The following PRPF6 variants were observed in gnomAD, a reference collection of about 807,000 sequenced individuals.
PRPF6 encodes the protein pre-mRNA-processing factor 6.
A neutral mutation model predicts 118.3 loss-of-function variants in PRPF6; 42 were observed. The observed-to-expected ratio is 0.35, with a 90% CI of 0.28 to 0.46. The LOEUF (loss-of-function observed/expected upper bound fraction) is 0.46, where lower values mean the gene tolerates loss of function less well. PRPF6 is among the 20% of genes least tolerant of loss of function. PRPF6 has a pLI of 1.00. For synonymous variants in PRPF6, 481 were observed against 485.1 expected, an observed-to-expected ratio of 0.99 and a Z score of 0.11; for missense variants, 662 against 1,255.7, an observed-to-expected ratio of 0.53 and a Z score of 7.15.
At chr20:63,995,607 T>A in intron 6 of PRPF6, 125 bp downstream of exon 6, 2 of 1,044,196 alleles carry the variant, frequency 1.9e-6, no homozygotes, top group Non-Finnish European at 2.8e-6. Flanking sequence ...CTCCTTCTTC[T>A]CCTTCTCCTT....
Position 64,014,654 on chromosome 20 carries a change from G to A in PRPF6, c.1525-2069G>A, listed in dbSNP as rs142717840. 2.8e-3 allele frequency among the ~76,000 whole-genome samples: 424 copies of A among 151,956 alleles called. 3 individuals carry two copies. The highest frequency in any genetic ancestry group is 0.01 in the African/African-American group (413 of 41,282). ...AGCCTGGGCAAAAGAGCGAGACTCT[G>A]TCTCAAAAAATAAATAAAATAAAAT... On this transcript the variant is annotated intron_variant, in intron 11 of 20. Coordinates refer to ENST00000266079, the MANE Select transcript of PRPF6 (RefSeq NM_012469.4).
rs1380639778 is a variant in PRPF6 at position 64,028,788 on chromosome 20, C to T, written c.2431+219C>T. 6.6e-6 allele frequency among the ~76,000 whole-genome samples: 1 copy of T among 152,212 alleles called. No individual in the cohort carries two copies. The highest frequency in any genetic ancestry group is 2.4e-5 in the African/African-American group (1 of 41,446). On this transcript the variant is annotated intron_variant, in intron 18 of 20. Transcript: ENST00000266079. The surrounding 1 kb of genome is among the most constrained non-coding windows in gnomAD (Gnocchi z 6.5). ...CAGCTATACTCGGCCGTTAAGACAA[C>T]TTAATGAAATTCTTGGCCTCAAAAT... is the stretch of plus-strand genomic sequence containing the variant.
At chr20:64,031,094 A>C (rs988662016) in intron 19 of PRPF6, among the ~76,000 whole-genome samples, 5 of 152,184 alleles carry the variant, frequency 3.3e-5, no homozygotes, top group African/African-American at 7.2e-5. Context: ...TCAGGTGTGC[A>C]TGTGTCTGGC....
At chr20:64,006,000 G>T (rs1382321383) in intron 9 of PRPF6, among the ~76,000 whole-genome samples, 1 of 152,174 alleles carries the variant, frequency 6.6e-6, no homozygotes, top group East Asian at 1.9e-4. Context: ...CTCCCAAAAT[G>T]CTGGGACTGC....
intron 2 of PRPF6, 55 bp downstream of exon 2, chr20:63,983,270 C>T: frequency 6.2e-7 from 1 of 1,607,822 alleles, no homozygotes; most frequent in Non-Finnish European, 8.5e-7. Context: ...GAGCAGCTGA[C>T]CTAACCAGTG....
chr20:63,992,418 C>G (rs1480358956), intron 3 of PRPF6, among the ~76,000 whole-genome samples: 7 of 152,118 alleles, frequency 4.6e-5, no homozygotes, highest in Non-Finnish European at 8.8e-5. Flanking sequence ...TGCGCCACCA[C>G]GCCTGGCTAA....
chr20:64,007,533 T>C (rs2059196338), intron 9 of PRPF6, among the ~76,000 whole-genome samples: 1 of 150,322 alleles, frequency 6.7e-6, no homozygotes, highest in South Asian at 2.1e-4. Context: ...GTGGTGCAGT[T>C]TTGGCTCACT....
At chr20:64,032,749 G>A (rs2059320867) in intron 20 of PRPF6, 92 bp from the exon 21 acceptor site, 8 of 1,503,642 alleles carry the variant, frequency 5.3e-6, no homozygotes, top group African/African-American at 2.8e-5. Flanking sequence ...GTGCTGCCAG[G>A]GCCAGGTCTG....
At chr20:64,021,307 T>C (rs1317935442) in intron 12 of PRPF6, among the ~76,000 whole-genome samples, 1 of 143,366 alleles carries the variant, frequency 7.0e-6, no homozygotes, top group Non-Finnish European at 1.5e-5. Flanking sequence ...TGTGTGTGTG[T>C]GCATGTATGC....
chr20:64,009,300 AAAAGAG>A (rs1194550861), intron 9 of PRPF6, among the ~76,000 whole-genome samples: 11 of 151,736 alleles, frequency 7.2e-5, no homozygotes, highest in African/African-American at 2.7e-4. Flanking sequence ...AAAAAAAAAA[AAAAGAG>A]AGGTATTTCA....
In PRPF6 at chr20:63,995,089, A is replaced by G; in HGVS notation, c.612A>G (p.Gln204=). The change falls in exon 5 of 21, where the codon CAA becomes CAG. Residue 204 remains glutamine (Q), a synonymous_variant. Transcript: ENST00000266079. ...GENHTSVDPR[Q]TQFGGLNTPY... ...ACCATACCTCAGTGGATCCCCGACA[A>G]ACTGTGAGCTTCCAAAAAAGGGCAC... The G allele has an allele frequency of 6.2e-7, 1 of 1,614,142 alleles. No homozygotes were observed. The highest frequency in any genetic ancestry group is 8.5e-7 in the Non-Finnish European group (1 of 1,180,028).
In PRPF6 at chr20:64,023,012, T is replaced by G. The variant is rs569875380; in HGVS notation, c.1769+134T>G. 12 of 1,387,596 alleles carry G rather than the reference T, an allele frequency of 8.6e-6. No individual in the cohort carries two copies. The East Asian group carries it at 2.9e-4, about 34-fold the overall frequency. The allele number at this position is 1,387,596 out of a possible 1,614,324, so 86.0% of individuals were successfully genotyped here. On this transcript the variant is annotated intron_variant, in intron 13 of 20. Coordinates refer to ENST00000266079, the MANE Select transcript of PRPF6 (RefSeq NM_012469.4). ...TTGAGGTCTGGCCCTCTGGTTGTGA[T>G]GAAGGATTTTATGGCATTTGGGACT...
chr20:63,988,429 C>T (rs1272528993), intron 3 of PRPF6, among the ~76,000 whole-genome samples: 3 of 143,476 alleles, frequency 2.1e-5, no homozygotes, highest in East Asian at 2.1e-4. Flanking sequence ...CCCAGGAGGT[C>T]GAGGTTGCAG....
At position 64,008,530 on chromosome 20, in the gene PRPF6, A is replaced by T. The variant is rs183380277; in HGVS notation, c.1187-1670A>T. Among the ~76,000 whole-genome samples the T allele has an allele frequency of 7.9e-5, 12 of 152,220 alleles. No individual in the cohort carries two copies. In the East Asian group the frequency reaches 2.3e-3, roughly 29 times the overall value. On this transcript the variant is annotated intron_variant, in intron 9 of 20. Coordinates refer to ENST00000266079, the MANE Select transcript of PRPF6 (RefSeq NM_012469.4). ...CCCAGTGTCCTTCATGGAGTTCTCC[A>T]CAGCCTTTCAGCTCCTGCCTTTGGC...
intron 11 of PRPF6, among the ~76,000 whole-genome samples, chr20:64,015,638 G>A (rs574189735): frequency 6.6e-6 from 1 of 152,314 alleles, no homozygotes; most frequent in South Asian, 2.1e-4. Flanking sequence ...ATGCCTTAAA[G>A]TAGAACTGCT....
At chr20:63,998,821 G>A (rs1483449463) in intron 6 of PRPF6, among the ~76,000 whole-genome samples, 4 of 148,680 alleles carry the variant, frequency 2.7e-5, no homozygotes, top group South Asian at 2.1e-4. Context: ...CAGCCTGGGC[G>A]ACAGAGCGAG....
Position 63,995,020 on chromosome 20 carries a change from T to C in PRPF6, c.543T>C (p.Pro181=), listed in dbSNP as rs1423864636. 8 of 1,614,104 alleles carry C rather than the reference T, an allele frequency of 5.0e-6. No homozygotes were observed. Among genetic ancestry groups the C allele is most frequent in the African/African-American group, 1.3e-5 (1 of 74,938 alleles). Residue 181 remains proline, a synonymous_variant, in exon 5 of 21, where the codon CCT becomes CCC. Coordinates refer to ENST00000266079, the MANE Select transcript of PRPF6 (RefSeq NM_012469.4). ...ACCCACGCTATGAGAAGCTGACCCC[T>C]GTTCCTGACAGTTTCTTTGCCAAAC... ...QRNPRYEKLT[P]VPDSFFAKHL...
intron 9 of PRPF6, among the ~76,000 whole-genome samples, chr20:64,004,171 G>A (rs1305066587): frequency 6.6e-6 from 1 of 152,206 alleles, no homozygotes; most frequent in African/African-American, 2.4e-5. Context: ...TTTGGAGATG[G>A]GAGTATGCTG....
Position 64,011,217 on chromosome 20 carries a change from G to T in PRPF6, c.1306-68G>T, listed in dbSNP as rs11905313. 163 of 1,474,296 alleles carry T rather than the reference G, an allele frequency of 1.1e-4. 1 individual carries two copies. The African/African-American group carries it at 1.9e-3, about 17-fold the overall frequency. The allele number at this position is 1,474,296 out of a possible 1,614,324, so 91.3% of individuals were successfully genotyped here. On this transcript the variant is annotated intron_variant, in intron 10 of 20. Transcript: ENST00000266079. This position sits in a 1 kb window ranked among gnomAD's most constrained non-coding sequence, Gnocchi z 6.7. ...GGTGGCCAACGCTGGAGGGTGGGTC[G>T]CTGTCTGGCCTGCAGCTGTCCCCCC... is the stretch of plus-strand genomic sequence containing the variant.
Sources: gnomAD v4.1 joint callset for allele counts (sites outside exome capture counted in the v4.1 genomes callset) on GRCh38, gnomAD v4.1.1 for gene constraint, Gnocchi (gnomAD v3.1) non-coding constraint, MANE v1.5 for transcripts, NCBI Gene and HGNC (gene_info 2026-07-23, HGNC 2026-07-21) for gene names.